JAM2: variants seen among roughly 807,000 people sequenced by gnomAD.
JAM2 encodes junctional adhesion molecule 2.
JAM2 carries 17 observed loss-of-function variants against 42.0 expected under a neutral mutation model. The ratio of observed to expected loss-of-function variants is 0.40; its 90% CI spans 0.28 to 0.61. The LOEUF (loss-of-function observed/expected upper bound fraction) is 0.61. JAM2 is among the 20% of genes least tolerant of loss of function. The probability of loss-of-function intolerance (pLI) is 0.37; values close to 1 mark genes in which losing one functional copy is unlikely to be tolerated. For synonymous variants in JAM2, 118 were observed against 128.6 expected (o/e 0.92, Z 0.56); for missense variants, 319 against 358.3 (o/e 0.89, Z 0.89).
chr21:25,714,984 A>T lies in JAM2; in HGVS notation c.*312A>T. On this transcript the variant is annotated 3_prime_UTR_variant, in exon 10 of 10. Coordinates refer to ENST00000480456, the MANE Select transcript of JAM2 (RefSeq NM_021219.4). ...CTAGAGAACGTTACTAAAATATAAC[A>T]TACTGATTGTGAAGTCAATCCACAG... The T allele has an allele frequency of 4.6e-6, 1 of 215,764 alleles. No homozygotes were observed. Among genetic ancestry groups the T allele is most frequent in the Non-Finnish European group, 9.0e-6 (1 of 110,764 alleles). 13.4% of individuals were successfully genotyped at this position (215,764 alleles called of 1,614,324 possible).
At chr21:25,683,722 T>G (rs1191529129) in intron 1 of JAM2, among the ~76,000 whole-genome samples, 161 bp from the exon 2 acceptor site, 1 of 152,186 alleles carries the variant, frequency 6.6e-6, no homozygotes, top group Non-Finnish European at 1.5e-5. Context: ...TATAGTTTCA[T>G]TTGCTTTTTC....
chr21:25,711,633 G>A, intron 8 of JAM2: 1 of 309,788 alleles, frequency 3.2e-6, no homozygotes, highest in East Asian at 9.0e-5. Context: ...AATAAAGCCA[G>A]TGAGTTCAGA....
At chr21:25,695,936 C>A (rs1038864261) in intron 4 of JAM2, among the ~76,000 whole-genome samples, 1 of 150,920 alleles carries the variant, frequency 6.6e-6, no homozygotes, top group African/African-American at 2.4e-5. Flanking sequence ...TCCTCACATC[C>A]CAGACGATGG....
chr21:25,689,911 G>T lies in JAM2; in HGVS notation c.179G>T (p.Arg60Ile). ...ACCCCAAAGAAGACTGTTTCCTCCA[G>T]ATTAGAGTGGAAGAAACTGGGTCGG... The part of the protein sequence containing the change: ...CKTPKKTVSS[R>I]LEWKKLGRSV... Residue 60 changes from arginine (R) to isoleucine (I), a missense_variant, in exon 3 of 10, where the codon AGA becomes ATA. Transcript: ENST00000480456. 6.2e-7 allele frequency: 1 copy of T among 1,613,876 alleles called. No homozygotes were observed. Among genetic ancestry groups the T allele is most frequent in the Middle Eastern group, 1.6e-4 (1 of 6,062 alleles).
chr21:25,647,298 T>G (rs1259541332), intron 1 of JAM2, among the ~76,000 whole-genome samples: 1 of 152,200 alleles, frequency 6.6e-6, no homozygotes, highest in Non-Finnish European at 1.5e-5. Flanking sequence ...GCTTCTCAGA[T>G]AGACCATCCT....
chr21:25,688,243 GGTGTGT>G (rs147927864), intron 2 of JAM2, among the ~76,000 whole-genome samples: 18 of 149,814 alleles, frequency 1.2e-4, no homozygotes, highest in South Asian at 2.1e-4. Flanking sequence ...CACCAGGAGG[GGTGTGT>G]GTGTGTGTGT....
chr21:25,666,312 G>T (rs930590460), intron 1 of JAM2, among the ~76,000 whole-genome samples: 13 of 88,764 alleles, frequency 1.5e-4, no homozygotes, highest in Middle Eastern at 6.3e-3. Context: ...CATTGTTACG[G>T]CTTTTATTAT....
intron 1 of JAM2, among the ~76,000 whole-genome samples, chr21:25,652,512 A>T (rs141529556): frequency 5.6e-4 from 85 of 152,374 alleles, no homozygotes; most frequent in African/African-American, 2.0e-3. Context: ...ACCAAACAGT[A>T]GAATATATCT....
Position 25,664,788 on chromosome 21 carries a change from G to A in JAM2, c.68-19095G>A, listed in dbSNP as rs147185172. On this transcript the variant is annotated intron_variant, in intron 1 of 9. Coordinates refer to ENST00000480456, the MANE Select transcript of JAM2 (RefSeq NM_021219.4). ...AGAGAGTCACAGTGCTCCTTAGCAT[G>A]TTAGAGGCTCCAATAAGTCCTTTTA... Among the ~76,000 whole-genome samples, 191 of 152,288 alleles carry A rather than the reference G, an allele frequency of 1.3e-3. 1 individual carries two copies. Among genetic ancestry groups the A allele is most frequent in the African/African-American group, 4.3e-3 (179 of 41,546 alleles).
chr21:25,661,519 C>T (rs1168508211), intron 1 of JAM2, among the ~76,000 whole-genome samples: 1 of 150,942 alleles, frequency 6.6e-6, no homozygotes, highest in Non-Finnish European at 1.5e-5. Context: ...TTCTAGTGTA[C>T]TCACGTATAA....
At chr21:25,682,137 C>T (rs1328451997) in intron 1 of JAM2, among the ~76,000 whole-genome samples, 2 of 152,226 alleles carry the variant, frequency 1.3e-5, no homozygotes, top group Admixed American at 1.3e-4. Flanking sequence ...ATGCCAGGCA[C>T]TGTTCTGAGT....
chr21:25,681,940 C>T (rs2033642452), intron 1 of JAM2, among the ~76,000 whole-genome samples: 1 of 152,176 alleles, frequency 6.6e-6, no homozygotes. Context: ...TGAGATTGTG[C>T]CACTGCACTC....
intron 1 of JAM2, among the ~76,000 whole-genome samples, chr21:25,670,086 C>T (rs1357977863): frequency 1.3e-5 from 2 of 152,188 alleles, no homozygotes; most frequent in African/African-American, 4.8e-5. Flanking sequence ...CATCAAACAG[C>T]CATTTCACTT....
At chr21:25,643,677 T>A (rs949904399) in intron 1 of JAM2, 5 of 152,196 alleles carry the variant, frequency 3.3e-5, no homozygotes, top group African/African-American at 1.2e-4. Context: ...AACGCTAAAA[T>A]GGGCTTGTAG....
chr21:25,689,798 A>T, intron 2 of JAM2, 68 bp from the exon 3 acceptor site: 1 of 955,042 alleles, frequency 1.0e-6, no homozygotes. Flanking sequence ...CAATTTTGTT[A>T]CCTAGTTAAG....
In JAM2 at chr21:25,717,489, C is replaced by T; in HGVS notation, c.*2817C>T. On this transcript the variant is annotated 3_prime_UTR_variant, in exon 10 of 10. Transcript: ENST00000480456. The stretch of plus-strand genomic sequence containing the variant: ...AAGTCTGGACCAATTGATTGCTTTT[C>T]AATACAACTTTGCAAAGAACTTCCT... 2 of 791,428 alleles carry T rather than the reference C, an allele frequency of 2.5e-6. No individual in the cohort carries two copies. Among genetic ancestry groups the T allele is most frequent in the South Asian group, 2.7e-5 (1 of 37,618 alleles). 49.0% of individuals were successfully genotyped at this position (791,428 alleles called of 1,614,324 possible).
chr21:25,673,298 GTTGT>G (rs2033403531), intron 1 of JAM2, among the ~76,000 whole-genome samples: 1 of 152,064 alleles, frequency 6.6e-6, no homozygotes, highest in African/African-American at 2.4e-5. Context: ...TTTTAATCTA[GTTGT>G]TTGTGCAATG....
Position 25,639,715 on chromosome 21 carries a change from C to T in JAM2, c.-107C>T. On this transcript the variant is annotated 5_prime_UTR_variant, in exon 1 of 10. Coordinates refer to ENST00000480456, the MANE Select transcript of JAM2 (RefSeq NM_021219.4). ...GTCCCTCCTCTTCCTCCCCTCCCGACTCTCTGCTCCTTTCCCGCCCCAGAA... is the reference window on the plus strand; with the variant it reads ...GTCCCTCCTCTTCCTCCCCTCCCGATTCTCTGCTCCTTTCCCGCCCCAGAA... The T allele has an allele frequency of 1.5e-6, 1 of 670,246 alleles. No homozygotes were observed. Among genetic ancestry groups the T allele is most frequent in the Non-Finnish European group, 2.5e-6 (1 of 396,460 alleles). The allele number at this position is 670,246 out of a possible 1,614,324, so 41.5% of individuals were successfully genotyped here. A position where few individuals can be genotyped will look rare whatever the true frequency, so the allele number is the denominator to read the frequency against.
chr21:25,640,134 A>C (rs1442764470), intron 1 of JAM2, among the ~76,000 whole-genome samples: 1 of 152,222 alleles, frequency 6.6e-6, no homozygotes, highest in African/African-American at 2.4e-5. Context: ...TAGATACAGA[A>C]AATTAAGGGT....
Sources: allele counts gnomAD v4.1 joint callset (sites outside exome capture counted in the v4.1 genomes callset), GRCh38; gene constraint gnomAD v4.1.1; transcripts MANE v1.5; gene names NCBI Gene and HGNC (gene_info 2026-07-23, HGNC 2026-07-21).